The following FZD8 variants were observed in gnomAD, a reference collection of about 807,000 sequenced individuals.
The protein encoded by FZD8 is frizzled class receptor 8.
Under a neutral mutation model 46.0 loss-of-function variants are expected in FZD8, and 18 were observed. The ratio of observed to expected loss-of-function variants is 0.39; its 90% CI spans 0.27 to 0.58. The LOEUF is 0.58. Among genes scored for constraint, FZD8 ranks in the 20% least tolerant of loss-of-function variants. The probability of loss-of-function intolerance (pLI) is 0.55; values close to 1 mark genes in which losing one functional copy is unlikely to be tolerated. For missense variants in FZD8, 785 were observed against 983.4 expected, an observed-to-expected ratio of 0.80 and a Z score of 2.70; for synonymous variants, 586 against 467.9, an observed-to-expected ratio of 1.25 and a Z score of -3.26.
At position 35,639,727 on chromosome 10, in the gene FZD8, G is replaced by C. The variant is rs1300159427; in HGVS notation, c.1703C>G (p.Pro568Arg). ...RPRWEATHNCPCLRDLQPDQA... is the reference protein window; with the variant it reads ...RPRWEATHNCRCLRDLQPDQA... Reference sequence around the variant, plus strand: ...GTCGGGCTGCAGGTCCCGCAGGCACGGGCAGTTGTGCGTGGCCTCCCAGCG... The same window carrying C: ...GTCGGGCTGCAGGTCCCGCAGGCACCGGCAGTTGTGCGTGGCCTCCCAGCG... The change falls in exon 1 of 1, where the codon CCG becomes CGG. Residue 568 changes from proline to arginine, a missense_variant. By Grantham distance (103) the Pro-to-Arg change is moderately radical (BLOSUM62 -2). This residue lies in a region of FZD8 where 185 missense variants were observed against 180.8 expected (regional missense o/e 1.02). Coordinates refer to ENST00000374694, the MANE Select transcript of FZD8 (RefSeq NM_031866.3). 5 of 1,599,984 alleles carry C rather than the reference G, an allele frequency of 3.1e-6. No individual in the cohort carries two copies. Among genetic ancestry groups the C allele is most frequent in the Non-Finnish European group, 3.4e-6 (4 of 1,179,710 alleles).
At position 35,640,642 on chromosome 10, in the gene FZD8, G is replaced by A; in HGVS notation, c.788C>T (p.Pro263Leu). The A allele has an allele frequency of 6.3e-7, 1 of 1,581,602 alleles. No homozygotes were observed. Among genetic ancestry groups the A allele is most frequent in the Non-Finnish European group, 8.6e-7 (1 of 1,162,072 alleles). The change falls in exon 1 of 1, where the codon CCC becomes CTC. Residue 263 changes from proline (P) to leucine (L), a missense_variant. By Grantham distance (98) the Pro-to-Leu change is moderately conservative. This residue lies in a region of FZD8 where 354 missense variants were observed against 433.2 expected (regional missense o/e 0.82). Coordinates refer to ENST00000374694, the MANE Select transcript of FZD8 (RefSeq NM_031866.3). ...KTGQIANCAL[P>L]CHNPFFSQDE... Reference sequence around the variant, plus strand: ...CTGGCTGAAAAAGGGGTTGTGGCAGGGCAGCGCGCAGTTAGCGATCTGGCC... The same window carrying A: ...CTGGCTGAAAAAGGGGTTGTGGCAGAGCAGCGCGCAGTTAGCGATCTGGCC...
Position 35,641,029 on chromosome 10 carries a change from C to A in FZD8, c.401G>T (p.Arg134Leu). Residue 134 changes from arginine to leucine, a missense_variant, in exon 1 of 1, where the codon CGC becomes CTC. Arg to Leu is a moderately radical substitution (Grantham distance 102). Transcript: ENST00000374694. This position sits in a 1 kb window ranked among gnomAD's most constrained non-coding sequence, Gnocchi z 6.3. ...GCCTTGCTCGGGCAGCCGGTCGCAG[C>A]GCATGCGGTCGGGCCAGGCGAAGCC... Reference protein sequence around the residue: ...QYGFAWPDRMRCDRLPEQGNP... With the variant: ...QYGFAWPDRMLCDRLPEQGNP... The A allele has an allele frequency of 1.2e-6, 2 of 1,607,778 alleles. No homozygotes were observed. The highest frequency in any genetic ancestry group is 1.1e-5 in the South Asian group (1 of 90,642).
In FZD8 at chr10:35,642,222, C is replaced by A. The variant is rs1418575299; in HGVS notation, c.-793G>T. ...GGAGCGGACACCTGAGTGGCGCGGC[C>A]CGCGCCCAGCCGCCGCCTCCTCCTC... is the stretch of plus-strand genomic sequence containing the variant. On this transcript the variant is annotated 5_prime_UTR_variant, in exon 1 of 1. Coordinates refer to ENST00000374694, the MANE Select transcript of FZD8 (RefSeq NM_031866.3). 6.6e-6 allele frequency: 1 copy of A among 152,544 alleles called. No homozygotes were observed. The highest frequency in any genetic ancestry group is 2.1e-4 in the South Asian group (1 of 4,858). 9.4% of individuals were successfully genotyped at this position (152,544 alleles called of 1,614,324 possible).
rs776703169 is a variant in FZD8 at position 35,641,304 on chromosome 10, C to G, written c.126G>C (p.Leu42=). 1.2e-5 allele frequency: 19 copies of G among 1,614,014 alleles called. No homozygotes were observed. The highest frequency in any genetic ancestry group is 1.7e-5 in the Admixed American group (1 of 60,034). The part of the protein sequence containing the change: ...ELACQEITVP[L]CKGIGYNYTY... ...TGTAGTTGTAGCCGATGCCCTTACA[C>G]AGCGGCACGGTGATCTCTTGGCATG... is the stretch of plus-strand genomic sequence containing the variant. The change falls in exon 1 of 1, where the codon CTG becomes CTC. Residue 42 remains leucine, a synonymous_variant. Transcript: ENST00000374694. This position sits in a 1 kb window ranked among gnomAD's most constrained non-coding sequence, Gnocchi z 6.3.
chr10:35,641,761 G>C lies in FZD8; in HGVS notation c.-332C>G, dbSNP rs1407004135. On this transcript the variant is annotated 5_prime_UTR_variant, in exon 1 of 1. Coordinates refer to ENST00000374694, the MANE Select transcript of FZD8 (RefSeq NM_031866.3). This position sits in a 1 kb window ranked among gnomAD's most constrained non-coding sequence, Gnocchi z 6.3. ...CGCGGCGCAGAGCGGCCGGGCCTCGGCTCATCGTCCCGCGCTCGCTCGCCT... is the reference window on the plus strand; with the variant it reads ...CGCGGCGCAGAGCGGCCGGGCCTCGCCTCATCGTCCCGCGCTCGCTCGCCT... 1.9e-5 allele frequency: 4 copies of C among 211,044 alleles called. No individual in the cohort carries two copies. Among genetic ancestry groups the C allele is most frequent in the Admixed American group, 6.0e-5 (1 of 16,738 alleles). 13.1% of individuals were successfully genotyped at this position (211,044 alleles called of 1,614,324 possible). A position where few individuals can be genotyped will look rare whatever the true frequency, so the allele number is the denominator to read the frequency against.
chr10:35,640,864 CTGGCCCCCGGCGGGCGGCCG>C lies in FZD8; in HGVS notation c.546_565del (p.His182GlnfsTer71). 1.0e-6 allele frequency: 1 copy of C among 978,920 alleles called. No individual in the cohort carries two copies. The highest frequency in any genetic ancestry group is 1.2e-6 in the Non-Finnish European group (1 of 826,902). 60.6% of individuals were successfully genotyped at this position (978,920 alleles called of 1,614,324 possible). On this transcript the variant is annotated frameshift_variant, in exon 1 of 1. Coordinates refer to ENST00000374694, the MANE Select transcript of FZD8 (RefSeq NM_031866.3). LOFTEE classifies it high-confidence loss of function. ...CCTGCCGCCGCCGCGGTGCGGGGGC[CTGGCCCCCGGCGGGCGGCCG>C]TGGCCGCTGCCCGAAGGCGGCTGCT...
Position 35,640,369 on chromosome 10 carries a change from C to G in FZD8, c.1061G>C (p.Gly354Ala), listed in dbSNP as rs1413988854. 3 of 978,428 alleles carry G rather than the reference C, an allele frequency of 3.1e-6. No homozygotes were observed. In the African/African-American group the frequency reaches 5.3e-5, roughly 17 times the overall value. 60.6% of individuals were successfully genotyped at this position (978,428 alleles called of 1,614,324 possible). A position where few individuals can be genotyped will look rare whatever the true frequency, so the allele number is the denominator to read the frequency against. The stretch of plus-strand genomic sequence containing the variant: ...CGCGCCCGCGCCCGCCGCCGCGCCG[C>G]CCGCGCCCCCAGCGCCCCCCGCGCC... ...APGAGGAGGA[G>A]GAAAGAGAAG... Residue 354 changes from glycine to alanine, a missense_variant, in exon 1 of 1, where the codon GGC becomes GCC. Gly to Ala is a moderately conservative substitution (Grantham distance 60). Coordinates refer to ENST00000374694, the MANE Select transcript of FZD8 (RefSeq NM_031866.3).
chr10:35,639,845 G>A lies in FZD8; in HGVS notation c.1585C>T (p.Leu529=), dbSNP rs1269936875. Residue 529 remains leucine (L), a synonymous_variant, in exon 1 of 1, where the codon CTG becomes TTG. Transcript: ENST00000374694. ...GTGAACAGGCCCAGGCGGATCATCA[G>A]CTTCTCCAGCTTGTGCGTCTTGGTG... ...GPTKTHKLEK[L]MIRLGLFTVL... The A allele has an allele frequency of 1.9e-6, 3 of 1,608,618 alleles. No homozygotes were observed. Among genetic ancestry groups the A allele is most frequent in the South Asian group, 2.2e-5 (2 of 91,012 alleles).
chr10:35,641,062 C>T lies in FZD8; in HGVS notation c.368G>A (p.Arg123His). The T allele has an allele frequency of 6.2e-7, 1 of 1,609,926 alleles. No homozygotes were observed. The change falls in exon 1 of 1, where the codon CGC becomes CAC. Residue 123 changes from arginine to histidine, a missense_variant. Transcript: ENST00000374694. This position sits in a 1 kb window ranked among gnomAD's most constrained non-coding sequence, Gnocchi z 6.3. ...RAKAGCAPLM[R>H]QYGFAWPDRM... ...GTCGGGCCAGGCGAAGCCGTACTGG[C>T]GCATGAGCGGCGCGCAGCCGGCCTT...
chr10:35,639,972 C>T lies in FZD8; in HGVS notation c.1458G>A (p.Leu486=). 6.2e-7 allele frequency: 1 copy of T among 1,612,934 alleles called. No homozygotes were observed. Among genetic ancestry groups the T allele is most frequent in the Non-Finnish European group, 8.5e-7 (1 of 1,179,908 alleles). Residue 486 remains leucine, a synonymous_variant, in exon 1 of 1, where the codon CTG becomes CTA. Coordinates refer to ENST00000374694, the MANE Select transcript of FZD8 (RefSeq NM_031866.3). The stretch of plus-strand genomic sequence containing the variant: ...TGAAGAGGTAGATGACCAGCGGCGC[C>T]AGCACGAAGCCGCGCAGGTTGTCCA... ...QSLDNLRGFV[L]APLVIYLFIG... is the part of the protein sequence containing the mutation.
At position 35,641,483 on chromosome 10, in the gene FZD8, C is replaced by CT; in HGVS notation, c.-55_-54insA. On this transcript the variant is annotated 5_prime_UTR_variant, in exon 1 of 1. Coordinates refer to ENST00000374694, the MANE Select transcript of FZD8 (RefSeq NM_031866.3). The surrounding 1 kb of genome is among the most constrained non-coding windows in gnomAD (Gnocchi z 6.3). ...CCTCCAGGCGGCGCGCAGAGGGGTGCCGGGGGGGGGGCCCACGAGAGAGCC... is the reference window on the plus strand; with the variant it reads ...CCTCCAGGCGGCGCGCAGAGGGGTGCTCGGGGGGGGGGCCCACGAGAGAGCC... The CT allele has an allele frequency of 1.5e-6, 2 of 1,359,488 alleles. No homozygotes were observed. Among genetic ancestry groups the CT allele is most frequent in the Middle Eastern group, 2.6e-4 (1 of 3,804 alleles). The allele number at this position is 1,359,488 out of a possible 1,614,324, so 84.2% of individuals were successfully genotyped here.
Position 35,640,802 on chromosome 10 carries a change from G to A in FZD8, c.628C>T (p.Arg210Cys). 9.6e-7 allele frequency: 1 copy of A among 1,039,766 alleles called. No homozygotes were observed. The highest frequency in any genetic ancestry group is 1.2e-6 in the Non-Finnish European group (1 of 866,610). The allele number at this position is 1,039,766 out of a possible 1,614,324, so 64.4% of individuals were successfully genotyped here. Residue 210 changes from arginine to cysteine, a missense_variant, in exon 1 of 1, where the codon CGC (arginine) becomes TGC (cysteine). This residue lies in a region of FZD8 where 354 missense variants were observed against 433.2 expected (regional missense o/e 0.82). Coordinates refer to ENST00000374694, the MANE Select transcript of FZD8 (RefSeq NM_031866.3). ...GGGDAAAPPARGGGGGGKARP... is the reference protein window; with the variant it reads ...GGGDAAAPPACGGGGGGKARP... ...GCCTTCCCGCCACCGCCGCCGCCGC[G>A]AGCTGGGGGCGCCGCCGCGTCCCCG...
In FZD8 at chr10:35,639,949, A is replaced by C; in HGVS notation, c.1481T>G (p.Phe494Cys). 6.2e-7 allele frequency: 1 copy of C among 1,613,096 alleles called. No homozygotes were observed. Among genetic ancestry groups the C allele is most frequent in the Non-Finnish European group, 8.5e-7 (1 of 1,179,908 alleles). The change falls in exon 1 of 1, where the codon TTC becomes TGC. Residue 494 changes from phenylalanine (F) to cysteine (C), a missense_variant. By Grantham distance (205) the Phe-to-Cys change is radical. Transcript: ENST00000374694. The part of the protein sequence containing the change: ...FVLAPLVIYL[F>C]IGTMFLLAGF... ...GGCCAGCAGGAACATGGTGCCGATG[A>C]AGAGGTAGATGACCAGCGGCGCCAG...
rs1835848701 is a variant in FZD8 at position 35,640,860 on chromosome 10, G to A, written c.570C>T (p.Pro190=). The change falls in exon 1 of 1, where the codon CCC becomes CCT. Residue 190 remains proline, a synonymous_variant. Transcript: ENST00000374694. The part of the protein sequence containing the change: ...SGHGRPPGAR[P]PHRGGGRGGG... ...CGCCCCTGCCGCCGCCGCGGTGCGG[G>A]GGCCTGGCCCCCGGCGGGCGGCCGT... 4 of 978,782 alleles carry A rather than the reference G, an allele frequency of 4.1e-6. No individual in the cohort carries two copies. The highest frequency in any genetic ancestry group is 4.6e-5 in the South Asian group (1 of 21,724). 60.6% of individuals were successfully genotyped at this position (978,782 alleles called of 1,614,324 possible).
Position 35,639,486 on chromosome 10 carries a change from GCCGCCGCCCCCCGGC to G in FZD8, c.1929_1943del (p.Pro644_Gly648del), listed in dbSNP as rs1003929527. 43 of 957,522 alleles carry G rather than the reference GCCGCCGCCCCCCGGC, an allele frequency of 4.5e-5. 1 individual carries two copies. In the East Asian group the frequency reaches 3.5e-3, roughly 78 times the overall value. 59.3% of individuals were successfully genotyped at this position (957,522 alleles called of 1,614,324 possible). On this transcript the variant is annotated inframe_deletion, in exon 1 of 1. Transcript: ENST00000374694. ...CCCCGCCGCCGCCGGGTCCCCCGCC[GCCGCCGCCCCCCGGC>G]CCGCCGCCACCCCCCGCGGCCGTGG... is the stretch of plus-strand genomic sequence containing the variant.
Position 35,640,753 on chromosome 10 carries a change from G to C in FZD8, c.677C>G (p.Ala226Gly). 7.7e-7 allele frequency: 1 copy of C among 1,298,936 alleles called. No individual in the cohort carries two copies. Among genetic ancestry groups the C allele is most frequent in the Non-Finnish European group, 9.8e-7 (1 of 1,016,856 alleles). The allele number at this position is 1,298,936 out of a possible 1,614,324, so 80.5% of individuals were successfully genotyped here. Residue 226 changes from alanine to glycine, a missense_variant, in exon 1 of 1, where the codon GCT becomes GGT. Physicochemically the swap from Ala to Gly is moderately conservative, Grantham distance 60. Transcript: ENST00000374694. ...GKARPPGGGA[A>G]PCEPGCQCRA... ...GCACTGGCACCCGGGCTCGCAGGGA[G>C]CCGCGCCGCCGCCAGGGGGCCGCGC...
At position 35,639,659 on chromosome 10, in the gene FZD8, A is replaced by G. The variant is rs1835822814; in HGVS notation, c.1771T>C (p.Phe591Leu). 6.3e-7 allele frequency: 1 copy of G among 1,598,774 alleles called. No individual in the cohort carries two copies. Among genetic ancestry groups the G allele is most frequent in the Non-Finnish European group, 8.5e-7 (1 of 1,179,734 alleles). Reference protein sequence around the residue: ...PDYAVFMLKYFMCLVVGITSG... With the variant: ...PDYAVFMLKYLMCLVVGITSG... The stretch of plus-strand genomic sequence containing the variant: ...GTGATGCCCACCACTAGGCACATGA[A>G]GTACTTGAGCATGAAGACGGCGTAG... Residue 591 changes from phenylalanine (F) to leucine (L), a missense_variant, in exon 1 of 1, where the codon TTC becomes CTC. Phe to Leu is a conservative substitution (Grantham distance 22, BLOSUM62 0). Coordinates refer to ENST00000374694, the MANE Select transcript of FZD8 (RefSeq NM_031866.3).
Position 35,640,968 on chromosome 10 carries a change from G to C in FZD8, c.462C>G (p.Thr154=). Reference sequence around the variant, plus strand: ...GGCTGGGCGCGGCGGTGGTTAGGTCGGTGCGGTTGTAGTCCATGCACAGCG... The same window carrying C: ...GGCTGGGCGCGGCGGTGGTTAGGTCCGTGCGGTTGTAGTCCATGCACAGCG... ...PDTLCMDYNR[T]DLTTAAPSPP... The change falls in exon 1 of 1, where the codon ACC becomes ACG. Residue 154 remains threonine (T), a synonymous_variant. Transcript: ENST00000374694. 1 of 1,583,250 alleles carries C rather than the reference G, an allele frequency of 6.3e-7. No homozygotes were observed. Among genetic ancestry groups the C allele is most frequent in the South Asian group, 1.1e-5 (1 of 88,178 alleles).
At position 35,641,475 on chromosome 10, in the gene FZD8, G is replaced by C. The variant is rs941500936; in HGVS notation, c.-46C>G. 8 of 1,445,818 alleles carry C rather than the reference G, an allele frequency of 5.5e-6. No homozygotes were observed. Among genetic ancestry groups the C allele is most frequent in the African/African-American group, 1.7e-5 (1 of 57,352 alleles). 89.6% of individuals were successfully genotyped at this position (1,445,818 alleles called of 1,614,324 possible). A position where few individuals can be genotyped will look rare whatever the true frequency, so the allele number is the denominator to read the frequency against. ...GCCCTCGCCCTCCAGGCGGCGCGCA[G>C]AGGGGTGCCGGGGGGGGGGCCCACG... On this transcript the variant is annotated 5_prime_UTR_variant, in exon 1 of 1. Coordinates refer to ENST00000374694, the MANE Select transcript of FZD8 (RefSeq NM_031866.3). The surrounding 1 kb of genome is among the most constrained non-coding windows in gnomAD (Gnocchi z 6.3).
Sources: allele counts gnomAD v4.1 joint callset, GRCh38; gene constraint gnomAD v4.1.1; regional missense constraint gnomAD v4.1.1; non-coding constraint Gnocchi (gnomAD v3.1); transcripts MANE v1.5; gene names NCBI Gene and HGNC (gene_info 2026-07-23, HGNC 2026-07-21).